The following INKA2 variants were observed in gnomAD, a reference collection of about 807,000 sequenced individuals.
INKA2 encodes the protein PAK4-inhibitor INKA2.
INKA2 carries 3 observed loss-of-function variants against 9.8 expected under a neutral mutation model. The ratio of observed to expected loss-of-function variants is 0.31; its 90% confidence interval spans 0.14 to 0.79. The LOEUF is 0.79. INKA2 is among the 30% of genes least tolerant of loss of function. The probability of loss-of-function intolerance (pLI) is 0.62; values close to 1 mark genes in which losing one functional copy is unlikely to be tolerated. For missense variants in INKA2, 392 were observed against 384.4 expected (o/e 1.02, Z -0.17); for synonymous variants, 147 against 143.3 (o/e 1.03, Z -0.18).
chr1:111,751,725 T>C (rs1351274651), intron 1 of INKA2, among the ~76,000 whole-genome samples: 1 of 152,190 alleles, frequency 6.6e-6, no homozygotes, highest in Non-Finnish European at 1.5e-5. Context: ...GCTATGGTGG[T>C]CCTCACCTCC....
intron 1 of INKA2, chr1:111,754,540 T>C (rs1187798620): frequency 6.6e-6 from 1 of 152,246 alleles, no homozygotes; most frequent in Non-Finnish European, 1.5e-5. Context: ...TTGTTTACTT[T>C]TTAAGAATTT....
At chr1:111,755,333 TG>T in intron 1 of INKA2, 1 of 296,406 alleles carries the variant, frequency 3.4e-6, no homozygotes. Context: ...AGGAGATAAA[TG>T]GGGTTTATCT....
intron 1 of INKA2, among the ~76,000 whole-genome samples, chr1:111,737,668 T>C (rs770905102): frequency 1.3e-5 from 2 of 152,162 alleles, no homozygotes; most frequent in Non-Finnish European, 2.9e-5. Context: ...CAAACGACTA[T>C]GGGAAGGGAC....
upstream of INKA2, among the ~76,000 whole-genome samples, chr1:111,741,201 A>G (rs1264708885): frequency 2.0e-5 from 3 of 152,090 alleles, no homozygotes; most frequent in Non-Finnish European, 4.4e-5. Flanking sequence ...CAGGTCCTCA[A>G]TTACACAATA....
rs1237950993 is a variant in INKA2 at position 111,727,649 on chromosome 1, C to T, written c.213G>A (p.Arg71=). 6.2e-7 allele frequency: 1 copy of T among 1,609,724 alleles called. No homozygotes were observed. The highest frequency in any genetic ancestry group is 2.2e-5 in the East Asian group (1 of 44,876). ...GPVPGSPEGP[R]TQCEHPCWEG... is the part of the protein sequence containing the mutation. ...CCCAACAAGGGTGCTCGCACTGGGTCCTGGGACCTTCAGGGCTGCCTGGCA... is the reference window on the plus strand; with the variant it reads ...CCCAACAAGGGTGCTCGCACTGGGTTCTGGGACCTTCAGGGCTGCCTGGCA... The change falls in exon 2 of 2, where the codon AGG becomes AGA. Residue 71 remains arginine, a synonymous_variant. Transcript: ENST00000357260.
Position 111,722,712 on chromosome 1 carries a change from A to T in INKA2, c.*4256T>A, listed in dbSNP as rs1319711713. On this transcript the variant is annotated 3_prime_UTR_variant, in exon 2 of 2. Transcript: ENST00000357260. ...GGTGGCTAGTATACAGTGTACAAAA[A>T]CATGTCACCTATTGTCTTCTCTGAC... 2.5e-5 allele frequency: 5 copies of T among 203,680 alleles called. No homozygotes were observed. The highest frequency in any genetic ancestry group is 5.0e-5 in the Non-Finnish European group (5 of 99,540). 12.6% of individuals were successfully genotyped at this position (203,680 alleles called of 1,614,324 possible). A position where few individuals can be genotyped will look rare whatever the true frequency, so the allele number is the denominator to read the frequency against.
At position 111,725,407 on chromosome 1, in the gene INKA2, G is replaced by C. The variant is rs931777984; in HGVS notation, c.*1561C>G. On this transcript the variant is annotated 3_prime_UTR_variant, in exon 2 of 2. Transcript: ENST00000357260. ...GAGTGGGAGGGACAGTGGCTTCCCA[G>C]GGCAGTCCTGGGGGGGGGCCTGGAT... 1 of 152,196 alleles carries C rather than the reference G, an allele frequency of 6.6e-6. No homozygotes were observed. Among genetic ancestry groups the C allele is most frequent in the Non-Finnish European group, 1.5e-5 (1 of 68,054 alleles). 9.4% of individuals were successfully genotyped at this position (152,196 alleles called of 1,614,324 possible).
Position 111,728,658 on chromosome 1 carries a change from C to T in INKA2, c.58-854G>A, listed in dbSNP as rs74373581. On this transcript the variant is annotated intron_variant, in intron 1 of 1. Coordinates refer to ENST00000357260, the MANE Select transcript of INKA2 (RefSeq NM_019099.5). ...AAAACACAGTCAAAACTCTTTTATG[C>T]ACAAAATTATTTAAAATATTGTATA... Among the ~76,000 whole-genome samples, 20 of 152,286 alleles carry T rather than the reference C, an allele frequency of 1.3e-4. No individual in the cohort carries two copies. In the East Asian group the frequency reaches 3.9e-3, roughly 29 times the overall value.
intron 1 of INKA2, among the ~76,000 whole-genome samples, chr1:111,751,049 C>CT (rs537812642): frequency 9.7e-4 from 148 of 152,354 alleles, no homozygotes; most frequent in Admixed American, 2.1e-3. Flanking sequence ...TCCACTCCCA[C>CT]TGCCTGATGA....
upstream of INKA2, chr1:111,739,426 G>T: frequency 6.9e-7 from 1 of 1,449,402 alleles, no homozygotes; most frequent in Non-Finnish European, 9.1e-7. Flanking sequence ...CGCGCGGTCG[G>T]TGCTGGGGGT....
At chr1:111,745,291 ATATTTTT>A (rs1477309268) in intron 1 of INKA2, 88 of 49,326 alleles carry the variant, frequency 1.8e-3, no homozygotes, top group African/African-American at 6.9e-3. Flanking sequence ...ATATATATAT[ATATTTTT>A]TTTTTTTTTT....
intron 1 of INKA2, chr1:111,755,536 A>T: frequency 1.3e-6 from 1 of 742,030 alleles, no homozygotes; most frequent in Non-Finnish European, 2.1e-6. Flanking sequence ...AAACGGAAGC[A>T]CGAGACGGGG....
upstream of INKA2, among the ~76,000 whole-genome samples, chr1:111,741,716 G>GTGTTTTTGTTT: frequency 6.6e-6 from 1 of 152,260 alleles, no homozygotes; most frequent in Admixed American, 6.5e-5. Flanking sequence ...GGCTGAAATA[G>GTGTTTTTGTTT]TGTTTTTGTT....
chr1:111,750,935 A>T (rs1663394189), intron 1 of INKA2, among the ~76,000 whole-genome samples: 1 of 152,162 alleles, frequency 6.6e-6, no homozygotes, highest in Non-Finnish European at 1.5e-5. Context: ...AAAAGACTTA[A>T]CTTCCCTAAA....
At chr1:111,737,432 C>A (rs1034365505) in intron 1 of INKA2, among the ~76,000 whole-genome samples, 1 of 152,142 alleles carries the variant, frequency 6.6e-6, no homozygotes, top group Non-Finnish European at 1.5e-5. Flanking sequence ...CACCCACAAA[C>A]CCTCCATTAA....
At chr1:111,732,568 TACACACACACACACAC>T (rs3085876) in intron 1 of INKA2, among the ~76,000 whole-genome samples, 1 of 142,864 alleles carries the variant, frequency 7.0e-6, no homozygotes, top group Non-Finnish European at 1.5e-5. Flanking sequence ...CTCTCTCTGT[TACACACACACACACAC>T]ACACACACAC....
chr1:111,737,667 A>G (rs1361234244), intron 1 of INKA2, among the ~76,000 whole-genome samples: 6 of 152,216 alleles, frequency 3.9e-5, no homozygotes, highest in South Asian at 2.1e-4. Context: ...GCAAACGACT[A>G]TGGGAAGGGA....
intron 1 of INKA2, among the ~76,000 whole-genome samples, chr1:111,750,644 C>T (rs936878551): frequency 1.3e-5 from 2 of 152,180 alleles, no homozygotes; most frequent in African/African-American, 2.4e-5. Context: ...ACTGCTAGAT[C>T]TAAGAAACAG....
chr1:111,751,749 C>A (rs927675131), intron 1 of INKA2, among the ~76,000 whole-genome samples: 26 of 152,158 alleles, frequency 1.7e-4, no homozygotes, highest in African/African-American at 6.0e-4. Context: ...CCTCCGTTTT[C>A]CCCTCCTCTG....
Sources: allele counts gnomAD v4.1 joint callset (sites outside exome capture counted in the v4.1 genomes callset), GRCh38; gene constraint gnomAD v4.1.1; transcripts MANE v1.5; gene names NCBI Gene and HGNC (gene_info 2026-07-23, HGNC 2026-07-21).